The following MAN1A1 variants were observed in gnomAD, a reference collection of about 807,000 sequenced individuals.
MAN1A1 encodes the protein mannosyl-oligosaccharide 1,2-alpha-mannosidase IA.
Under a neutral mutation model 70.8 loss-of-function variants are expected in MAN1A1, and 29 were observed. The ratio of observed to expected loss-of-function variants is 0.41; its 90% CI spans 0.31 to 0.56. MAN1A1 has a LOEUF of 0.56. Ranked by LOEUF, MAN1A1 falls within the 20% of genes least tolerant of loss-of-function variation. MAN1A1 has a pLI of 0.29. For missense variants in MAN1A1, 747 were observed against 841.3 expected, an observed-to-expected ratio of 0.89 and a Z score of 1.39; for synonymous variants, 349 against 330.1, an observed-to-expected ratio of 1.06 and a Z score of -0.62.
rs74903799 is a variant in MAN1A1 at position 119,234,078 on chromosome 6, C to T, written c.992+14182G>A. ...TTTTTTTTCTGTGACAAGTGGTTGT[C>T]AGCAAGTATGCTTCCTACCAGATAA... On this transcript the variant is annotated intron_variant, in intron 6 of 12. Coordinates refer to ENST00000368468, the MANE Select transcript of MAN1A1 (RefSeq NM_005907.4). Among the ~76,000 whole-genome samples the T allele has an allele frequency of 8.9e-3, 1,350 of 152,246 alleles. 27 individuals carry two copies. Among genetic ancestry groups the T allele is most frequent in the African/African-American group, 0.03 (1,257 of 41,536 alleles).
chr6:119,246,328 G>A (rs763737011), intron 6 of MAN1A1, among the ~76,000 whole-genome samples: 1 of 152,076 alleles, frequency 6.6e-6, no homozygotes. Flanking sequence ...GTAAACTGGC[G>A]GTCATTGGTG....
rs192002110 is a variant in MAN1A1 at position 119,260,911 on chromosome 6, G to C, written c.898-12557C>G. ...AGAATACAAACACAAATAATAACAA[G>C]AAACATAATTTATGTTGTCCATTGT... On this transcript the variant is annotated intron_variant, in intron 5 of 12. Transcript: ENST00000368468. 4.0e-5 allele frequency among the ~76,000 whole-genome samples: 6 copies of C among 148,392 alleles called. No individual in the cohort carries two copies. The East Asian group carries it at 1.2e-3, about 29-fold the overall frequency.
intron 5 of MAN1A1, among the ~76,000 whole-genome samples, chr6:119,287,694 T>C (rs1776414808): frequency 6.6e-6 from 1 of 151,984 alleles, no homozygotes; most frequent in South Asian, 2.1e-4. Flanking sequence ...TTAGTATGTA[T>C]ACAGATACAG....
intron 8 of MAN1A1, among the ~76,000 whole-genome samples, chr6:119,200,618 A>G (rs1457983672): frequency 1.3e-5 from 2 of 152,196 alleles, no homozygotes; most frequent in East Asian, 3.8e-4. Flanking sequence ...AATCAGCTTG[A>G]GAACATTTCT....
intron 6 of MAN1A1, among the ~76,000 whole-genome samples, chr6:119,210,311 T>C (rs2114956337): frequency 6.6e-6 from 1 of 152,278 alleles, no homozygotes; most frequent in Non-Finnish European, 1.5e-5. Context: ...TTCTGTCCAG[T>C]TACTGGGCAA....
chr6:119,328,669 T>C (rs1331815254), intron 2 of MAN1A1, among the ~76,000 whole-genome samples: 3 of 152,242 alleles, frequency 2.0e-5, no homozygotes. Flanking sequence ...CTGATTATTT[T>C]GTAAATTTGG....
At chr6:119,350,520 C>A (rs1231496132), upstream of MAN1A1, 6 of 985,262 alleles carry the variant, frequency 6.1e-6, no homozygotes, top group African/African-American at 7.0e-5. Flanking sequence ...TTTCACTATT[C>A]ATTTACCTCA....
intron 6 of MAN1A1, among the ~76,000 whole-genome samples, chr6:119,233,902 GAATT>G (rs1774762955): frequency 6.6e-6 from 1 of 152,176 alleles, no homozygotes; most frequent in Non-Finnish European, 1.5e-5. Context: ...TTGCACAGTA[GAATT>G]ATTACATTAT....
chr6:119,188,103 G>A (rs1394760392), intron 11 of MAN1A1, among the ~76,000 whole-genome samples: 1 of 152,162 alleles, frequency 6.6e-6, no homozygotes, highest in Non-Finnish European at 1.5e-5. Context: ...ACAACCCTTA[G>A]GTGGAATTAA....
chr6:119,253,166 T>C (rs1775370304), intron 5 of MAN1A1, among the ~76,000 whole-genome samples: 1 of 152,112 alleles, frequency 6.6e-6, no homozygotes, highest in East Asian at 1.9e-4. Context: ...ACCAGCTCAG[T>C]GGATGGACCG....
intron 2 of MAN1A1, among the ~76,000 whole-genome samples, chr6:119,341,121 TTTAAATGCTC>T (rs1239524382): frequency 6.6e-6 from 1 of 152,270 alleles, no homozygotes; most frequent in Non-Finnish European, 1.5e-5. Context: ...GGCTGTGACT[TTTAAATGCTC>T]TTAAGCCTTA....
intron 5 of MAN1A1, among the ~76,000 whole-genome samples, chr6:119,268,150 C>G (rs1015526982): frequency 6.6e-6 from 1 of 152,176 alleles, no homozygotes; most frequent in African/African-American, 2.4e-5. Flanking sequence ...CTACTTTTAT[C>G]ATTTCACTTT....
At chr6:119,253,321 A>T (rs1775375969) in intron 5 of MAN1A1, among the ~76,000 whole-genome samples, 1 of 152,194 alleles carries the variant, frequency 6.6e-6, no homozygotes, top group Non-Finnish European at 1.5e-5. Flanking sequence ...ACACTCAGCA[A>T]ATAGATAAGA....
chr6:119,270,375 T>G (rs1775886597), intron 5 of MAN1A1, among the ~76,000 whole-genome samples: 1 of 152,248 alleles, frequency 6.6e-6, no homozygotes, highest in South Asian at 2.1e-4. Flanking sequence ...ATAGTGTTTT[T>G]CTTTTTAACA....
chr6:119,226,977 T>A (rs1395017082), intron 6 of MAN1A1, among the ~76,000 whole-genome samples: 12 of 152,278 alleles, frequency 7.9e-5, no homozygotes, highest in African/African-American at 2.6e-4. Flanking sequence ...GGCCTGAACG[T>A]GAATTTTCAT....
At chr6:119,294,599 TC>T (rs1772148167) in intron 4 of MAN1A1, among the ~76,000 whole-genome samples, 1 of 152,124 alleles carries the variant, frequency 6.6e-6, no homozygotes, top group South Asian at 2.1e-4. Context: ...AAGAAGTACA[TC>T]CCGTCTTTTA....
At chr6:119,325,561 GCAGGAGAA>G (rs1773124464) in intron 2 of MAN1A1, among the ~76,000 whole-genome samples, 1 of 152,122 alleles carries the variant, frequency 6.6e-6, no homozygotes, top group Non-Finnish European at 1.5e-5. Flanking sequence ...GGAGGCTGAG[GCAGGAGAA>G]TCGCTTGAAC....
At chr6:119,201,585 C>T (rs924144731) in intron 7 of MAN1A1, among the ~76,000 whole-genome samples, 8 of 152,110 alleles carry the variant, frequency 5.3e-5, no homozygotes, top group African/African-American at 7.2e-5. Flanking sequence ...ACAAAGTCAC[C>T]ACACTCTTAG....
intron 8 of MAN1A1, among the ~76,000 whole-genome samples, chr6:119,200,429 A>T (rs1203966718): frequency 2.0e-5 from 3 of 152,126 alleles, no homozygotes; most frequent in Non-Finnish European, 4.4e-5. Context: ...TTCCTATTAA[A>T]CTATTCTTTA....
Sources: gnomAD v4.1 joint callset for allele counts (sites outside exome capture counted in the v4.1 genomes callset) on GRCh38, gnomAD v4.1.1 for gene constraint, MANE v1.5 for transcripts, NCBI Gene and HGNC (gene_info 2026-07-23, HGNC 2026-07-21) for gene names.